The following COL6A5 variants were observed in gnomAD, a reference collection of about 807,000 sequenced individuals.
COL6A5 encodes the protein collagen alpha-5(VI) chain.
In COL6A5, 48 loss-of-function variants were observed where a neutral mutation model predicts 65.6. That is an observed-to-expected ratio of 0.73 (90% CI 0.58 to 0.93). The LOEUF is 0.93. COL6A5 is among the 40% of genes least tolerant of loss of function. The pLI is 0.00. For synonymous variants in COL6A5, 291 were observed against 322.8 expected, an observed-to-expected ratio of 0.90 and a Z score of 1.05; for missense variants, 914 against 928.3, an observed-to-expected ratio of 0.98 and a Z score of 0.20.
chr3:130,392,106 A>T (rs923757224), intron 7 of COL6A5, among the ~76,000 whole-genome samples: 1 of 152,192 alleles, frequency 6.6e-6, no homozygotes, highest in Non-Finnish European at 1.5e-5. Context: ...AATGCTCTCA[A>T]TGCAGCCACT....
intron 4 of COL6A5, among the ~76,000 whole-genome samples, chr3:130,381,856 A>C (rs1936007157): frequency 6.6e-6 from 1 of 152,122 alleles, no homozygotes; most frequent in South Asian, 2.1e-4. Flanking sequence ...AGGAGTTTGC[A>C]ATGATGCCAC....
chr3:130,453,683 C>T (rs759810538), intron 4 of COL6A5, among the ~76,000 whole-genome samples: 3 of 152,168 alleles, frequency 2.0e-5, no homozygotes, highest in Non-Finnish European at 4.4e-5. Flanking sequence ...TTGCTTTCTT[C>T]TTTTCTGTGT....
intron 7 of COL6A5, among the ~76,000 whole-genome samples, chr3:130,472,827 G>GTATATATATATATATATATATATA (rs1348903661): frequency 5.6e-5 from 1 of 17,734 alleles, no homozygotes; most frequent in Non-Finnish European, 1.2e-4. Context: ...ATATGTGTGT[G>GTATATATATATATATATATATATA]TATACATATA....
chr3:130,362,326 A>ATTT (rs374784717), intron 1 of COL6A5, among the ~76,000 whole-genome samples: 8 of 4,660 alleles, frequency 1.7e-3, no homozygotes, highest in African/African-American at 3.3e-3. Flanking sequence ...ATATATATAT[A>ATTT]TTTTTTTTTT....
At chr3:130,484,111 C>A in exon 8 of COL6A5, 1 of 1,519,480 alleles carries the variant, frequency 6.6e-7, no homozygotes, top group South Asian at 1.2e-5. Context: ...TGGTTCTAAC[C>A]AGAATGTATA....
intron 5 of COL6A5, 32 bp downstream of exon 37, chr3:130,455,698 TTAAA>T (rs756242708): frequency 3.9e-6 from 6 of 1,519,138 alleles, no homozygotes; most frequent in Non-Finnish European, 5.5e-6. Context: ...ATGGAAATGT[TTAAA>T]TAGCCAGGAT....
Position 130,380,056 on chromosome 3 carries a change from T to A in COL6A5, c.1300+6T>A. 6.7e-7 allele frequency: 1 copy of A among 1,482,960 alleles called. No individual in the cohort carries two copies. Among genetic ancestry groups the A allele is most frequent in the African/African-American group, 1.4e-5 (1 of 70,308 alleles). The allele number at this position is 1,482,960 out of a possible 1,614,324, so 91.9% of individuals were successfully genotyped here. On this transcript the variant is annotated splice_donor_region_variant and intron_variant and NMD_transcript_variant, in intron 4 of 41. Transcript: ENST00000312481. ...AAGGAATCTTGATAAAACTGGTATG[T>A]TTTTTAAAATACTTTTCTAATTATA...
At chr3:130,397,840 G>C (rs79867908) in exon 9 of COL6A5, 11 of 1,551,502 alleles carry the variant, frequency 7.1e-6, no homozygotes, top group African/African-American at 6.8e-5. Context: ...GCAAGTCAAC[G>C]TCAGTGGGCC....
chr3:130,389,220 ACCT>A, intron 6 of COL6A5, 86 bp downstream of exon 6: 1 of 862,510 alleles, frequency 1.2e-6, no homozygotes, highest in Non-Finnish European at 1.6e-6. Context: ...TCTGGCCCTG[ACCT>A]CCACCTGGAC....
intron 4 of COL6A5, among the ~76,000 whole-genome samples, chr3:130,450,289 G>A (rs1709402534): frequency 6.6e-6 from 1 of 152,128 alleles, no homozygotes; most frequent in Non-Finnish European, 1.5e-5. Flanking sequence ...CATACTTAGA[G>A]CGGCAAATAT....
chr3:130,459,341 G>A (rs1390518639), intron 5 of COL6A5, among the ~76,000 whole-genome samples: 1 of 151,986 alleles, frequency 6.6e-6, no homozygotes, highest in Non-Finnish European at 1.5e-5. Flanking sequence ...TGTTTTTAGA[G>A]CCAATATATT....
intron 1 of COL6A5, among the ~76,000 whole-genome samples, chr3:130,349,331 C>A (rs549637965): frequency 1.3e-5 from 2 of 152,222 alleles, no homozygotes; most frequent in Non-Finnish European, 2.9e-5. Context: ...GTAGAGACTG[C>A]AAGCCCTTGG....
chr3:130,457,447 A>AT (rs1241040946), intron 5 of COL6A5, among the ~76,000 whole-genome samples: 1 of 151,970 alleles, frequency 6.6e-6, no homozygotes, highest in Admixed American at 6.6e-5. Flanking sequence ...CTTTTCATTG[A>AT]TTTTTTTCAG....
At chr3:130,376,198 A>G in intron 2 of COL6A5, 39 bp from the exon 3 acceptor site, 1 of 1,533,704 alleles carries the variant, frequency 6.5e-7, no homozygotes, top group South Asian at 1.3e-5. Flanking sequence ...CAAAGGTTGA[A>G]TGATAACTTT....
chr3:130,391,641 A>T, exon 7 of COL6A5: 2 of 1,551,672 alleles, frequency 1.3e-6, no homozygotes, highest in South Asian at 2.4e-5. Context: ...AACCAAAAGG[A>T]ACTTGAGGGT....
chr3:130,380,762 C>A (rs962103857), intron 4 of COL6A5, among the ~76,000 whole-genome samples: 1 of 151,998 alleles, frequency 6.6e-6, no homozygotes, highest in African/African-American at 2.4e-5. Flanking sequence ...AATTGGGTAA[C>A]TTTTATTAGT....
chr3:130,452,773 T>G (rs953818942), intron 4 of COL6A5, among the ~76,000 whole-genome samples: 1 of 152,132 alleles, frequency 6.6e-6, no homozygotes, highest in African/African-American at 2.4e-5. Flanking sequence ...CTAATAAGCC[T>G]GGGAGCACTA....
At chr3:130,383,270 A>G (rs1936070266) in intron 4 of COL6A5, among the ~76,000 whole-genome samples, 1 of 151,960 alleles carries the variant, frequency 6.6e-6, no homozygotes, top group African/African-American at 2.4e-5. Flanking sequence ...CAAGAAGATG[A>G]CTTTTAATTT....
intron 24 of COL6A5, 72 bp from the exon 25 acceptor site, chr3:130,418,797 G>A: frequency 8.3e-7 from 1 of 1,206,114 alleles, no homozygotes; most frequent in Non-Finnish European, 1.2e-6. Flanking sequence ...CTCATCGAGT[G>A]GACAGAACTT....
Sources: gnomAD v4.1 joint callset for allele counts (sites outside exome capture counted in the v4.1 genomes callset) on GRCh38, gnomAD v4.1.1 for gene constraint, MANE v1.5 for transcripts, NCBI Gene and HGNC (gene_info 2026-07-23, HGNC 2026-07-21) for gene names.